ARHGAP44: variants seen among roughly 807,000 people sequenced by gnomAD.
ARHGAP44 encodes the protein Rho GTPase activating protein 44.
Under a neutral mutation model 106.8 loss-of-function variants are expected in ARHGAP44, and 43 were observed. That is an observed-to-expected ratio of 0.40 (90% confidence interval 0.32 to 0.52). ARHGAP44 has a LOEUF of 0.52. Among genes scored for constraint, ARHGAP44 ranks in the 20% least tolerant of loss-of-function variants. ARHGAP44 has a pLI of 0.48. For synonymous variants in ARHGAP44, 439 were observed against 410.3 expected, an observed-to-expected ratio of 1.07 and a Z score of -0.85; for missense variants, 866 against 1,050.5, an observed-to-expected ratio of 0.82 and a Z score of 2.43.
At chr17:12,815,543 A>T (rs1476994904) in intron 1 of ARHGAP44, among the ~76,000 whole-genome samples, 1 of 152,208 alleles carries the variant, frequency 6.6e-6, no homozygotes, top group East Asian at 1.9e-4. Flanking sequence ...TTAAACTATT[A>T]TGAAATTAGA....
chr17:12,965,969 C>A (rs966110), intron 16 of ARHGAP44, among the ~76,000 whole-genome samples: 59,157 of 151,738 alleles, frequency 0.39, 12,675 homozygotes, highest in East Asian at 0.68. Context: ...TCTGAGCAAC[C>A]CAGTGAGACA....
intron 15 of ARHGAP44, 97 bp downstream of exon 15, chr17:12,956,843 CTTTTT>C: frequency 2.5e-6 from 2 of 792,690 alleles, no homozygotes; most frequent in Non-Finnish European, 3.8e-6. Flanking sequence ...TGCCCACAGG[CTTTTT>C]TTTTTGATTC....
intron 16 of ARHGAP44, among the ~76,000 whole-genome samples, chr17:12,960,315 A>T (rs1225223252): frequency 6.6e-6 from 1 of 152,122 alleles, no homozygotes; most frequent in African/African-American, 2.4e-5. Flanking sequence ...CACGCCTATA[A>T]TCCCAACACT....
intron 6 of ARHGAP44, among the ~76,000 whole-genome samples, chr17:12,922,178 A>C (rs919267594): frequency 1.3e-5 from 2 of 152,202 alleles, no homozygotes; most frequent in African/African-American, 4.8e-5. Flanking sequence ...CAATGTTACT[A>C]AATTTTAGAG....
intron 6 of ARHGAP44, among the ~76,000 whole-genome samples, chr17:12,926,018 C>G (rs1376429182): frequency 6.6e-6 from 1 of 152,146 alleles, no homozygotes; most frequent in Non-Finnish European, 1.5e-5. Flanking sequence ...ATTTTGTTTG[C>G]TATTTATGTT....
At chr17:12,936,021 C>T (rs1016111185) in intron 7 of ARHGAP44, among the ~76,000 whole-genome samples, 11 of 152,078 alleles carry the variant, frequency 7.2e-5, no homozygotes, top group Non-Finnish European at 1.6e-4. Context: ...TTTAAACAAA[C>T]GTTCTTAAAT....
Position 12,886,218 on chromosome 17 carries a change from G to A in ARHGAP44, c.54-8722G>A, listed in dbSNP as rs113377722. ...GGGTTTCTTTATTTTTGCCAAGACC[G>A]TACTCTCTTGATTGACTACTTAATT... On this transcript the variant is annotated intron_variant, in intron 1 of 20. Transcript: ENST00000379672. 1.5e-3 allele frequency among the ~76,000 whole-genome samples: 235 copies of A among 152,080 alleles called. 3 individuals are homozygous for A. Among genetic ancestry groups the A allele is most frequent in the African/African-American group, 4.3e-3 (179 of 41,510 alleles).
chr17:12,798,834 G>T lies in ARHGAP44; in HGVS notation c.53+8943G>T, dbSNP rs74479884. On this transcript the variant is annotated intron_variant, in intron 1 of 20. Transcript: ENST00000379672. ...AAGATAAAAACAACTTTCCAAGGGT[G>T]TTTTCTGGATGTAGTTCTTTGACAG... Among the ~76,000 whole-genome samples the T allele has an allele frequency of 4.8e-3, 732 of 152,230 alleles. 31 individuals are homozygous for T. In the East Asian group the frequency reaches 0.087, roughly 18 times the overall value.
At chr17:12,857,514 C>A (rs973933258) in intron 1 of ARHGAP44, among the ~76,000 whole-genome samples, 1 of 152,078 alleles carries the variant, frequency 6.6e-6, no homozygotes, top group African/African-American at 2.4e-5. Context: ...ATCCTGATGA[C>A]CTTATCTAGT....
intron 1 of ARHGAP44, among the ~76,000 whole-genome samples, chr17:12,868,591 T>TTATATATATATATATATATATATATA (rs1209692482): frequency 2.1e-5 from 1 of 47,140 alleles, no homozygotes; most frequent in Non-Finnish European, 4.4e-5. Flanking sequence ...TATATGCATT[T>TTATATATATATATATATATATATATA]TATATATATA....
In ARHGAP44 at chr17:12,990,108, G is replaced by A. The variant is rs1163879943; in HGVS notation, c.2394G>A (p.Met798Ile). 2.5e-6 allele frequency: 4 copies of A among 1,613,504 alleles called. No individual in the cohort carries two copies. The change falls in exon 21 of 21, where the codon ATG becomes ATA. Residue 798 changes from methionine to isoleucine, a missense_variant. Around this residue, in one of 2 missense-constraint regions of ARHGAP44, gnomAD observed 418 missense variants for 403.6 expected, o/e 1.04. Transcript: ENST00000379672. ...TCCGCCTGAGTCCCCTGGAGCACAT[G>A]CGGCGACACTCAGTAACTGACAAGA... ...STLRLSPLEH[M>I]RRHSVTDKRD...
chr17:12,802,277 C>CA (rs944382984), intron 1 of ARHGAP44, among the ~76,000 whole-genome samples: 4 of 151,894 alleles, frequency 2.6e-5, no homozygotes, highest in Admixed American at 6.6e-5. Flanking sequence ...CTAATTTTAG[C>CA]AAAAAAGGAG....
In ARHGAP44 at chr17:12,894,964, T is replaced by G; in HGVS notation, c.78T>G (p.Ser26Arg). ...VGRAEKTEVL[S>R]EDLLQVEKRL... ...GGGCTGAAAAGACAGAAGTTTTGAG[T>G]GAAGACCTTCTTCAGGTAAGGCGGC... Residue 26 changes from serine (S) to arginine (R), a missense_variant, in exon 2 of 21, where the codon AGT (serine) becomes AGG (arginine). Around this residue, in one of 2 missense-constraint regions of ARHGAP44, gnomAD observed 448 missense variants for 646.9 expected, o/e 0.69. Coordinates refer to ENST00000379672, the MANE Select transcript of ARHGAP44 (RefSeq NM_014859.6). The G allele has an allele frequency of 6.3e-7, 1 of 1,589,880 alleles. No homozygotes were observed. The highest frequency in any genetic ancestry group is 8.6e-7 in the Non-Finnish European group (1 of 1,167,376).
At chr17:12,821,569 A>G (rs1456490896) in intron 1 of ARHGAP44, among the ~76,000 whole-genome samples, 1 of 152,190 alleles carries the variant, frequency 6.6e-6, no homozygotes, top group Non-Finnish European at 1.5e-5. Context: ...GGTGGGGCAG[A>G]TAGCTTTCCC....
In ARHGAP44 at chr17:12,991,304, G is replaced by GATATA. The variant is rs372791092; in HGVS notation, c.*1139_*1143dup. Reference sequence around the variant, plus strand: ...AAAATTTTATCCTTTTCAAATAGATGATATAATATACCTATACATGATATA... The same window carrying GATATA: ...AAAATTTTATCCTTTTCAAATAGATGATATAATATAATATACCTATACATGATATA... On this transcript the variant is annotated 3_prime_UTR_variant, in exon 21 of 21. Coordinates refer to ENST00000379672, the MANE Select transcript of ARHGAP44 (RefSeq NM_014859.6). 1 of 152,776 alleles carries GATATA rather than the reference G, an allele frequency of 6.5e-6. No individual in the cohort carries two copies. Among genetic ancestry groups the GATATA allele is most frequent in the East Asian group, 1.9e-4 (1 of 5,200 alleles). 9.5% of individuals were successfully genotyped at this position (152,776 alleles called of 1,614,324 possible).
chr17:12,915,796 G>C, intron 4 of ARHGAP44, 104 bp from the exon 5 acceptor site: 1 of 955,520 alleles, frequency 1.0e-6, no homozygotes. Flanking sequence ...TATTAACACT[G>C]ACTTGTGAAA....
intron 1 of ARHGAP44, among the ~76,000 whole-genome samples, chr17:12,807,973 C>T (rs1169200906): frequency 6.6e-6 from 1 of 152,180 alleles, no homozygotes. Flanking sequence ...GTAAATACAC[C>T]CATTCCAAAT....
intron 1 of ARHGAP44, among the ~76,000 whole-genome samples, chr17:12,846,918 G>C (rs184881638): frequency 3.2e-4 from 48 of 152,294 alleles, no homozygotes; most frequent in South Asian, 1.7e-3. Context: ...GAAAACTTTT[G>C]TGGTGCTGGA....
At chr17:12,973,342 T>A in intron 17 of ARHGAP44, 23 bp downstream of exon 17, 1 of 1,604,646 alleles carries the variant, frequency 6.2e-7, no homozygotes, top group Non-Finnish European at 8.5e-7. Flanking sequence ...CTGGTAGCTA[T>A]GAGGCCATGC....
Sources: gnomAD v4.1 joint callset for allele counts (sites outside exome capture counted in the v4.1 genomes callset) on GRCh38, gnomAD v4.1.1 for gene constraint, gnomAD v4.1.1 regional missense constraint, MANE v1.5 for transcripts, NCBI Gene and HGNC (gene_info 2026-07-23, HGNC 2026-07-21) for gene names.